Variants in PEAK1 observed in about 807,000 individuals in gnomAD.
PEAK1 encodes the protein pseudopodium enriched atypical kinase 1.
Under a neutral mutation model 124.7 loss-of-function variants are expected in PEAK1, and 54 were observed. The observed-to-expected ratio is 0.43, with a 90% CI of 0.35 to 0.54. The LOEUF (loss-of-function observed/expected upper bound fraction) is 0.54. Ranked by LOEUF, PEAK1 falls within the 20% of genes least tolerant of loss-of-function variation. The pLI is 0.01. For missense variants in PEAK1, 2,046 were observed against 2,134.5 expected (o/e 0.96, Z 0.82); for synonymous variants, 719 against 760.0 (o/e 0.95, Z 0.89).
intron 6 of PEAK1, among the ~76,000 whole-genome samples, chr15:77,229,542 C>T (rs2059813408): frequency 6.6e-6 from 1 of 152,164 alleles, no homozygotes; most frequent in Non-Finnish European, 1.5e-5. Flanking sequence ...GTCCTCTCCT[C>T]TCCAGTAAAT....
At chr15:77,365,989 A>T (rs2068210089) in intron 1 of PEAK1, among the ~76,000 whole-genome samples, 1 of 152,220 alleles carries the variant, frequency 6.6e-6, no homozygotes, top group Non-Finnish European at 1.5e-5. Context: ...AATGTCTACT[A>T]AGTATGAAAA....
Position 77,323,202 on chromosome 15 carries a change from G to A in PEAK1, c.-602-36698C>T, listed in dbSNP as rs370293147. Among the ~76,000 whole-genome samples, 1,159 of 151,934 alleles carry A rather than the reference G, an allele frequency of 7.6e-3. 18 individuals are homozygous for A. The highest frequency in any genetic ancestry group is 0.026 in the African/African-American group (1,062 of 41,336). ...TACTGAATGGGCAAAAACTGGAAGC[G>A]TTCCCTTTGAAAACTGGCACAAGAC... On this transcript the variant is annotated intron_variant, in intron 2 of 9. Transcript: ENST00000682557.
At chr15:77,265,746 C>T (rs1382146088) in intron 5 of PEAK1, among the ~76,000 whole-genome samples, 1 of 151,994 alleles carries the variant, frequency 6.6e-6, no homozygotes, top group Non-Finnish European at 1.5e-5. Flanking sequence ...CCCAGCCATC[C>T]CATTACTGGG....
chr15:77,234,810 A>AT (rs1201290840), intron 6 of PEAK1, among the ~76,000 whole-genome samples: 20 of 152,034 alleles, frequency 1.3e-4, no homozygotes, highest in African/African-American at 4.8e-4. Flanking sequence ...TAATTAAAAA[A>AT]AAATATATAT....
intron 2 of PEAK1, among the ~76,000 whole-genome samples, chr15:77,302,339 C>A (rs1415797452): frequency 1.3e-5 from 2 of 152,150 alleles, no homozygotes; most frequent in African/African-American, 4.8e-5. Flanking sequence ...TGTATCTATA[C>A]ATTAAGCTAA....
Position 77,410,036 on chromosome 15 carries a change from G to A in PEAK1, c.-666+9970C>T, listed in dbSNP as rs1380715055. 4.6e-5 allele frequency among the ~76,000 whole-genome samples: 7 copies of A among 151,104 alleles called. No individual in the cohort carries two copies. In the South Asian group the frequency reaches 1.0e-3, roughly 23 times the overall value. The stretch of plus-strand genomic sequence containing the variant: ...GAGCTACTTGAAAGACAGTAATCGT[G>A]GTTTTTTTGTTTTGTTTTGTTTTTT... On this transcript the variant is annotated intron_variant, in intron 1 of 9. Coordinates refer to ENST00000682557, the MANE Select transcript of PEAK1 (RefSeq NM_001385026.1).
At chr15:77,306,312 C>A (rs2064100984) in intron 2 of PEAK1, among the ~76,000 whole-genome samples, 1 of 152,066 alleles carries the variant, frequency 6.6e-6, no homozygotes, top group Non-Finnish European at 1.5e-5. Flanking sequence ...AGTTCTAAAC[C>A]CTCCTTTGGA....
At chr15:77,119,164 A>C (rs1009637821) in intron 9 of PEAK1, among the ~76,000 whole-genome samples, 1 of 151,080 alleles carries the variant, frequency 6.6e-6, no homozygotes, top group Non-Finnish European at 1.5e-5. Flanking sequence ...TCGTGTGAAG[A>C]GCACAGACAG....
chr15:77,129,577 A>C (rs1234197776), intron 9 of PEAK1, among the ~76,000 whole-genome samples: 1 of 149,924 alleles, frequency 6.7e-6, no homozygotes, highest in African/African-American at 2.5e-5. Context: ...CTGGGATTAC[A>C]GGTGCCCGCC....
At chr15:77,343,486 T>A in intron 2 of PEAK1, among the ~76,000 whole-genome samples, 1 of 20,120 alleles carries the variant, frequency 5.0e-5, no homozygotes, top group South Asian at 8.6e-4. Flanking sequence ...AACTTACTTT[T>A]TTTTTTTTTT....
chr15:77,274,164 A>T (rs1246861532), intron 5 of PEAK1, among the ~76,000 whole-genome samples: 2 of 152,210 alleles, frequency 1.3e-5, no homozygotes, highest in Non-Finnish European at 2.9e-5. Context: ...ACATGAAACC[A>T]TAAAAATTCT....
Position 77,114,327 on chromosome 15 carries a change from C to CA in PEAK1, c.5069dup (p.Leu1691AlafsTer18). The CA allele has an allele frequency of 6.2e-7, 1 of 1,614,222 alleles. No individual in the cohort carries two copies. Among genetic ancestry groups the CA allele is most frequent in the South Asian group, 1.1e-5 (1 of 91,080 alleles). On this transcript the variant is annotated frameshift_variant, in exon 10 of 10. Transcript: ENST00000682557. LOFTEE classifies it high-confidence loss of function. ...GCTTGATGTCTAGCCAGTTTTGGAG[C>CA]AGGGTGTTCCTCTGTACTAGGCTAG... is the stretch of plus-strand genomic sequence containing the variant.
At chr15:77,177,048 C>T (rs527497074) in intron 7 of PEAK1, among the ~76,000 whole-genome samples, 1 of 152,244 alleles carries the variant, frequency 6.6e-6, no homozygotes, top group Non-Finnish European at 1.5e-5. Context: ...ACCTCCACCT[C>T]CCGGTTCAAG....
chr15:77,244,712 C>T (rs2060503048), intron 6 of PEAK1, among the ~76,000 whole-genome samples: 1 of 152,034 alleles, frequency 6.6e-6, no homozygotes, highest in Non-Finnish European at 1.5e-5. Flanking sequence ...CCTCAGCCTC[C>T]CAAGTAGCTG....
In PEAK1 at chr15:77,337,290, A is replaced by C. The variant is rs756950878; in HGVS notation, c.-603+27873T>G. The C allele has an allele frequency of 3.3e-4, 324 of 985,240 alleles. 1 individual carries two copies. The highest frequency in any genetic ancestry group is 3.8e-4 in the Non-Finnish European group (316 of 829,776). The allele number at this position is 985,240 out of a possible 1,614,324, so 61.0% of individuals were successfully genotyped here. A position where few individuals can be genotyped will look rare whatever the true frequency, so the allele number is the denominator to read the frequency against. The stretch of plus-strand genomic sequence containing the variant: ...AGGTTCTAAGTATGCCAAGACAAGA[A>C]GTTTATTTTGAAAGGTGCCAGGAAT... On this transcript the variant is annotated intron_variant, in intron 2 of 9. Coordinates refer to ENST00000682557, the MANE Select transcript of PEAK1 (RefSeq NM_001385026.1).
downstream of PEAK1, chr15:77,105,142 T>G (rs2050734501): frequency 6.6e-6 from 1 of 152,252 alleles, no homozygotes. Context: ...GAGCATTGGG[T>G]GGTCCTGGTG....
chr15:77,193,598 G>A (rs1567097411), intron 6 of PEAK1, among the ~76,000 whole-genome samples: 2 of 152,170 alleles, frequency 1.3e-5, no homozygotes, highest in Non-Finnish European at 2.9e-5. Flanking sequence ...GAGGTCAGGA[G>A]TTCGAGACCA....
intron 2 of PEAK1, among the ~76,000 whole-genome samples, chr15:77,364,605 G>C (rs1049806894): frequency 6.6e-6 from 1 of 152,184 alleles, no homozygotes; most frequent in Admixed American, 6.5e-5. Flanking sequence ...AGACAGGTAA[G>C]AAACGGGAAA....
At chr15:77,229,760 G>C (rs994361412) in intron 6 of PEAK1, among the ~76,000 whole-genome samples, 2 of 150,690 alleles carry the variant, frequency 1.3e-5, no homozygotes, top group Non-Finnish European at 2.9e-5. Flanking sequence ...CTATTCTCCT[G>C]CCTCAGCCTC....
Sources: gnomAD v4.1 joint callset for allele counts (sites outside exome capture counted in the v4.1 genomes callset) on GRCh38, gnomAD v4.1.1 for gene constraint, MANE v1.5 for transcripts, NCBI Gene and HGNC (gene_info 2026-07-23, HGNC 2026-07-21) for gene names.